ESYT2: variants seen among roughly 807,000 people sequenced by gnomAD.
The protein encoded by ESYT2 is extended synaptotagmin 2, also known as extended synaptotagmin-2.
In ESYT2, 54 loss-of-function variants were observed where a neutral mutation model predicts 107.2. The observed-to-expected ratio is 0.50, with a 90% CI of 0.40 to 0.63. ESYT2 has a LOEUF of 0.63. Among genes scored for constraint, ESYT2 ranks in the 30% least tolerant of loss-of-function variants. The pLI is 0.00. For synonymous variants in ESYT2, 491 were observed against 434.1 expected (o/e 1.13, Z -1.63); for missense variants, 1,020 against 1,094.5 (o/e 0.93, Z 0.96).
chr7:158,770,841 T>C (rs904276880), intron 7 of ESYT2, among the ~76,000 whole-genome samples: 1 of 152,074 alleles, frequency 6.6e-6, no homozygotes, highest in Admixed American at 6.6e-5. Context: ...GTATTACATA[T>C]ATAAAATCTA....
intron 16 of ESYT2, among the ~76,000 whole-genome samples, chr7:158,745,521 A>G (rs1038573429): frequency 5.3e-5 from 8 of 152,206 alleles, no homozygotes; most frequent in Non-Finnish European, 8.8e-5. Context: ...CATTCATGAG[A>G]CACTCGCCAA....
At chr7:158,743,981 T>G (rs62478932) in intron 16 of ESYT2, 22,481 of 240,344 alleles carry the variant, frequency 0.094, 1,198 homozygotes, top group African/African-American at 0.11. Flanking sequence ...GGCTGAGGCA[T>G]GAGAATCGCT....
chr7:158,756,399 TC>T (rs1837756539), intron 13 of ESYT2, among the ~76,000 whole-genome samples: 1 of 152,078 alleles, frequency 6.6e-6, no homozygotes, highest in South Asian at 2.1e-4. Flanking sequence ...TCCAGGAAGG[TC>T]TTTAAGTGTC....
intron 1 of ESYT2, among the ~76,000 whole-genome samples, chr7:158,805,515 A>G (rs1442713505): frequency 6.6e-6 from 1 of 152,218 alleles, no homozygotes; most frequent in East Asian, 1.9e-4. Context: ...GAAGATAACC[A>G]TTTTTATCTA....
At chr7:158,734,559 T>A in intron 21 of ESYT2, 88 bp from the exon 22 acceptor site, 1 of 1,205,674 alleles carries the variant, frequency 8.3e-7, no homozygotes, top group Non-Finnish European at 1.2e-6. Context: ...GAGGCCAAGA[T>A]GGGAGGATCT....
chr7:158,754,065 G>A (rs941007068), intron 13 of ESYT2, among the ~76,000 whole-genome samples: 1 of 152,104 alleles, frequency 6.6e-6, no homozygotes, highest in African/African-American at 2.4e-5. Flanking sequence ...GTGGCTCTGG[G>A]GATGAGACAG....
At position 158,785,362 on chromosome 7, in the gene ESYT2, T is replaced by C. The variant is rs997310384; in HGVS notation, c.747+2642A>G. ...ATCACTTGAACCCAGGAGGTGGAGG[T>C]TGCGGTGAGCCGAGATTGCGCCACT... is the stretch of plus-strand genomic sequence containing the variant. On this transcript the variant is annotated intron_variant, in intron 6 of 22. Coordinates refer to ENST00000275418, the MANE Select transcript of ESYT2 (RefSeq NM_001367773.1). Among the ~76,000 whole-genome samples, 4 of 151,736 alleles carry C rather than the reference T, an allele frequency of 2.6e-5. 1 individual carries two copies. In the South Asian group the frequency reaches 6.2e-4, roughly 24 times the overall value.
At chr7:158,795,669 G>A (rs1839436407) in intron 3 of ESYT2, among the ~76,000 whole-genome samples, 1 of 152,210 alleles carries the variant, frequency 6.6e-6, no homozygotes, top group African/African-American at 2.4e-5. Flanking sequence ...ACTTGTCACT[G>A]GGACTTTAAC....
At position 158,804,370 on chromosome 7, in the gene ESYT2, T is replaced by C. The variant is rs544589952; in HGVS notation, c.331-5298A>G. On this transcript the variant is annotated intron_variant, in intron 1 of 22. Transcript: ENST00000275418. ...GAGGCGCGTGACAAACCCAAACCGT[T>C]GAGAAGGGTGAGGCGAGTGACAAAC... Among the ~76,000 whole-genome samples, 237 of 111,926 alleles carry C rather than the reference T, an allele frequency of 2.1e-3. 3 individuals are homozygous for C. The highest frequency in any genetic ancestry group is 5.6e-3 in the African/African-American group (138 of 24,596). 73.4% of individuals were successfully genotyped at this position (111,926 alleles called of 152,430 possible). A position where few individuals can be genotyped will look rare whatever the true frequency, so the allele number is the denominator to read the frequency against.
chr7:158,735,487 T>C lies in ESYT2; in HGVS notation c.2505+16A>G, dbSNP rs1305967256. ...ACAAACTGCAGGAACTGGTTGAGGA[T>C]TCGTTTGGCACTTACTTTGCCAAGG... On this transcript the variant is annotated intron_variant, in intron 21 of 22. Transcript: ENST00000275418. 1 of 1,602,998 alleles carries C rather than the reference T, an allele frequency of 6.2e-7. No individual in the cohort carries two copies. The highest frequency in any genetic ancestry group is 1.3e-5 in the African/African-American group (1 of 74,586).
intron 7 of ESYT2, among the ~76,000 whole-genome samples, chr7:158,769,680 T>C (rs1430709282): frequency 6.6e-6 from 1 of 152,212 alleles, no homozygotes; most frequent in Non-Finnish European, 1.5e-5. Flanking sequence ...TATTTAATCA[T>C]AATTTTCACC....
chr7:158,738,412 T>C (rs907276206), intron 19 of ESYT2, among the ~76,000 whole-genome samples: 2 of 151,624 alleles, frequency 1.3e-5, no homozygotes, highest in Non-Finnish European at 2.9e-5. Flanking sequence ...TTGTACAGTA[T>C]GCTACTGTGC....
chr7:158,769,679 A>G (rs879386894), intron 7 of ESYT2, among the ~76,000 whole-genome samples: 1 of 152,202 alleles, frequency 6.6e-6, no homozygotes, highest in Non-Finnish European at 1.5e-5. Flanking sequence ...ATATTTAATC[A>G]TAATTTTCAC....
chr7:158,773,287 A>C, intron 7 of ESYT2, 54 bp downstream of exon 7: 1 of 1,599,664 alleles, frequency 6.3e-7, no homozygotes, highest in Non-Finnish European at 8.6e-7. Context: ...AGACATCCAA[A>C]ATGCACAACA....
At chr7:158,766,370 C>G (rs1013363997) in intron 8 of ESYT2, among the ~76,000 whole-genome samples, 5 of 152,212 alleles carry the variant, frequency 3.3e-5, no homozygotes, top group Non-Finnish European at 5.9e-5. Flanking sequence ...GATCCAGGCT[C>G]AGGTGCTCAC....
rs1837463569 is a variant in ESYT2 at position 158,748,066 on chromosome 7, A to T, written c.1644+128T>A. The T allele has an allele frequency of 8.8e-6, 7 of 791,254 alleles. No homozygotes were observed. In the South Asian group the frequency reaches 1.2e-4, roughly 14 times the overall value. 49.0% of individuals were successfully genotyped at this position (791,254 alleles called of 1,614,324 possible). A position where few individuals can be genotyped will look rare whatever the true frequency, so the allele number is the denominator to read the frequency against. ...TAGGGGAGGCCCGGGTTACAGAGAG[A>T]TCTACCAATTGTCCTGATTCTGGCG... On this transcript the variant is annotated intron_variant, in intron 16 of 22. Transcript: ENST00000275418.
chr7:158,810,819 G>A (rs116139620), intron 1 of ESYT2, among the ~76,000 whole-genome samples: 1,691 of 152,234 alleles, frequency 0.011, 26 homozygotes, highest in African/African-American at 0.039. Flanking sequence ...GGAGAGCAGT[G>A]GAGGGGTCTG....
intron 1 of ESYT2, 141 bp downstream of exon 1, chr7:158,828,948 G>C: frequency 7.6e-7 from 1 of 1,322,592 alleles, no homozygotes; most frequent in Non-Finnish European, 9.8e-7. Context: ...GTGGGTGGGG[G>C]ACTACGAAGG....
intron 16 of ESYT2, among the ~76,000 whole-genome samples, chr7:158,745,253 C>CGGG (rs1837358855): frequency 1.2e-5 from 1 of 81,196 alleles, no homozygotes; most frequent in African/African-American, 3.4e-5. Context: ...TCTCCTAGGC[C>CGGG]CGGCTGTTCA....
Sources: allele counts gnomAD v4.1 joint callset (sites outside exome capture counted in the v4.1 genomes callset), GRCh38; gene constraint gnomAD v4.1.1; transcripts MANE v1.5; gene names NCBI Gene and HGNC (gene_info 2026-07-23, HGNC 2026-07-21).